The following SH3BGRL2 variants were observed in gnomAD, a reference collection of about 807,000 sequenced individuals.
The protein encoded by SH3BGRL2 is SH3 domain-binding glutamic acid-rich-like protein 2.
In SH3BGRL2, 21 loss-of-function variants were observed where a neutral mutation model predicts 14.8. That is an observed-to-expected ratio of 1.42 (90% CI 1.01 to 2.05). The LOEUF (loss-of-function observed/expected upper bound fraction) is 2.05, where lower values mean the gene tolerates loss of function less well. Ranked by LOEUF, SH3BGRL2 falls within the 30% of genes most tolerant of loss-of-function variation. The pLI, the probability that SH3BGRL2 is intolerant of heterozygous loss-of-function variation, is 0.00. For synonymous variants in SH3BGRL2, 50 were observed against 47.8 expected (o/e 1.05, Z -0.19); for missense variants, 147 against 130.8 (o/e 1.12, Z -0.61).
At chr6:79,571,627 T>G in the SH3BGRL2 span, among the ~76,000 whole-genome samples, 1 of 152,180 alleles carries the variant, frequency 6.6e-6, no homozygotes, top group Admixed American at 6.5e-5. Context: ...CCTAAGAAAT[T>G]AAACACTGCA....
chr6:79,653,118 C>T (rs1043913082), intron 1 of SH3BGRL2, among the ~76,000 whole-genome samples: 1 of 152,156 alleles, frequency 6.6e-6, no homozygotes, highest in East Asian at 1.9e-4. Context: ...ACATGAAGGT[C>T]ATTTTGTCAA....
At chr6:79,591,292 TG>T in the SH3BGRL2 span, among the ~76,000 whole-genome samples, 2 of 152,256 alleles carry the variant, frequency 1.3e-5, no homozygotes, top group African/African-American at 2.4e-5. Context: ...ACAATCTTTT[TG>T]TTTTTTTAAA....
At chr6:79,631,159 A>G (rs575088873), upstream of SH3BGRL2, 157 of 325,546 alleles carry the variant, frequency 4.8e-4, no homozygotes, top group African/African-American at 3.0e-3. Flanking sequence ...TGTTCGGGAT[A>G]GAAGCGCGGT....
intron 1 of SH3BGRL2, among the ~76,000 whole-genome samples, chr6:79,649,019 C>A (rs1769225186): frequency 6.6e-6 from 1 of 152,170 alleles, no homozygotes; most frequent in African/African-American, 2.4e-5. Context: ...GCTCTTCATT[C>A]TACATTCTTC....
At chr6:79,559,689 G>A in the SH3BGRL2 span, among the ~76,000 whole-genome samples, 1 of 152,174 alleles carries the variant, frequency 6.6e-6, no homozygotes, top group African/African-American at 2.4e-5. Context: ...AATGACAAAT[G>A]TACTGACGTT....
At position 79,701,962 on chromosome 6, in the gene SH3BGRL2, C is replaced by T. The variant is rs1384883539; in HGVS notation, c.*2453C>T. On this transcript the variant is annotated 3_prime_UTR_variant, in exon 4 of 4. Coordinates refer to ENST00000369838, the MANE Select transcript of SH3BGRL2 (RefSeq NM_031469.4). ...CATTTCAAGACAGAATTTTTATTTC[C>T]TGTAGTAGGCTTGCTGGAGCAAAGG... 6.6e-6 allele frequency: 1 copy of T among 152,476 alleles called. No homozygotes were observed. Among genetic ancestry groups the T allele is most frequent in the Admixed American group, 6.6e-5 (1 of 15,264 alleles). The allele number at this position is 152,476 out of a possible 1,614,324, so 9.4% of individuals were successfully genotyped here. A position where few individuals can be genotyped will look rare whatever the true frequency, so the allele number is the denominator to read the frequency against.
At chr6:79,674,433 T>C (rs1769841246) in intron 2 of SH3BGRL2, among the ~76,000 whole-genome samples, 1 of 152,204 alleles carries the variant, frequency 6.6e-6, no homozygotes, top group Admixed American at 6.5e-5. Flanking sequence ...ACTTGCGTAC[T>C]CCTTAGGTTA....
At chr6:79,647,599 C>T (rs1395126861) in intron 1 of SH3BGRL2, among the ~76,000 whole-genome samples, 1 of 151,948 alleles carries the variant, frequency 6.6e-6, no homozygotes, top group African/African-American at 2.4e-5. Context: ...ACAACACAGG[C>T]TCATATGGAA....
At chr6:79,657,787 A>AT (rs952924726) in intron 1 of SH3BGRL2, among the ~76,000 whole-genome samples, 27 of 151,872 alleles carry the variant, frequency 1.8e-4, no homozygotes, top group African/African-American at 5.3e-4. Context: ...TGGCTAATTA[A>AT]TTTTTTTTAA....
intron 1 of SH3BGRL2, among the ~76,000 whole-genome samples, chr6:79,670,557 A>G (rs998282844): frequency 2.0e-5 from 3 of 152,338 alleles, no homozygotes; most frequent in Middle Eastern, 3.4e-3. Flanking sequence ...GTTATTTTCA[A>G]TCCTTCATCA....
Position 79,681,951 on chromosome 6 carries a change from C to CA in SH3BGRL2, c.231+8166dup, listed in dbSNP as rs36023109. On this transcript the variant is annotated intron_variant, in intron 2 of 3. Coordinates refer to ENST00000369838, the MANE Select transcript of SH3BGRL2 (RefSeq NM_031469.4). ...TGGGGGACAGAGTGAGACTCCGTCT[C>CA]AAAAAAAAAAAAAATTTCACTTTAA... Among the ~76,000 whole-genome samples, 333 of 135,306 alleles carry CA rather than the reference C, an allele frequency of 2.5e-3. 2 individuals are homozygous for CA. The South Asian group carries it at 0.028, about 11-fold the overall frequency. The allele number at this position is 135,306 out of a possible 152,430, so 88.8% of individuals were successfully genotyped here.
the SH3BGRL2 span, among the ~76,000 whole-genome samples, chr6:79,549,316 A>G: frequency 6.6e-6 from 1 of 152,238 alleles, no homozygotes; most frequent in Non-Finnish European, 1.5e-5. Context: ...AAAGAGGCCC[A>G]GAGAAATTCC....
the SH3BGRL2 span, among the ~76,000 whole-genome samples, chr6:79,587,316 C>G: frequency 6.6e-6 from 1 of 151,982 alleles, no homozygotes; most frequent in Non-Finnish European, 1.5e-5. Context: ...CTAGCCACCA[C>G]AGAGAACCTA....
At chr6:79,625,453 G>A in the SH3BGRL2 span, among the ~76,000 whole-genome samples, 2 of 151,928 alleles carry the variant, frequency 1.3e-5, no homozygotes, top group Non-Finnish European at 2.9e-5. Flanking sequence ...TGACTTTATT[G>A]CTGCTTCATT....
At chr6:79,543,988 T>A in the SH3BGRL2 span, among the ~76,000 whole-genome samples, 1 of 152,180 alleles carries the variant, frequency 6.6e-6, no homozygotes, top group Non-Finnish European at 1.5e-5. Context: ...ATTAGAACCC[T>A]AACAACTCAG....
chr6:79,583,218 G>A, the SH3BGRL2 span, among the ~76,000 whole-genome samples: 2 of 152,232 alleles, frequency 1.3e-5, no homozygotes, highest in African/African-American at 4.8e-5. Context: ...GTGGAACACA[G>A]TGTGGTGATT....
intron 1 of SH3BGRL2, among the ~76,000 whole-genome samples, chr6:79,671,008 G>A (rs992883579): frequency 6.6e-6 from 1 of 152,160 alleles, no homozygotes; most frequent in Non-Finnish European, 1.5e-5. Flanking sequence ...TAAACATGAT[G>A]TTGTAGCTGA....
chr6:79,568,957 G>A, the SH3BGRL2 span, among the ~76,000 whole-genome samples: 3 of 152,138 alleles, frequency 2.0e-5, no homozygotes, highest in Non-Finnish European at 2.9e-5. Context: ...TATTGGAAGA[G>A]ATTTATTCTA....
intron 1 of SH3BGRL2, among the ~76,000 whole-genome samples, chr6:79,664,623 C>T (rs563225271): frequency 6.6e-6 from 1 of 152,300 alleles, no homozygotes; most frequent in African/African-American, 2.4e-5. Flanking sequence ...ACCAGTGTCC[C>T]ACACAGACCT....
Sources: gnomAD v4.1 joint callset for allele counts (sites outside exome capture counted in the v4.1 genomes callset) on GRCh38, gnomAD v4.1.1 for gene constraint, MANE v1.5 for transcripts, NCBI Gene and HGNC (gene_info 2026-07-23, HGNC 2026-07-21) for gene names.